RABGAP1L: variants seen among roughly 807,000 people sequenced by gnomAD.
The protein encoded by RABGAP1L is RAB GTPase activating protein 1 like.
In RABGAP1L, 63 loss-of-function variants were observed where a neutral mutation model predicts 137.7. The ratio of observed to expected loss-of-function variants is 0.46; its 90% CI spans 0.37 to 0.56. The LOEUF is 0.56. Ranked by LOEUF, RABGAP1L falls within the 20% of genes least tolerant of loss-of-function variation. RABGAP1L has a pLI of 0.00. For synonymous variants in RABGAP1L, 431 were observed against 433.7 expected, an observed-to-expected ratio of 0.99 and a Z score of 0.08; for missense variants, 1,095 against 1,244.0, an observed-to-expected ratio of 0.88 and a Z score of 1.80.
At chr1:174,222,629 A>G (rs1669844252) in intron 3 of RABGAP1L, among the ~76,000 whole-genome samples, 1 of 152,224 alleles carries the variant, frequency 6.6e-6, no homozygotes, top group African/African-American at 2.4e-5. Context: ...CTTATGTTTT[A>G]TGCTGAAATT....
intron 1 of RABGAP1L, among the ~76,000 whole-genome samples, chr1:174,215,109 C>G (rs1669187912): frequency 6.6e-6 from 1 of 152,076 alleles, no homozygotes; most frequent in African/African-American, 2.4e-5. Flanking sequence ...GATTAATAAC[C>G]AGAATATATA....
In RABGAP1L at chr1:174,213,011, G is replaced by A. The variant is rs114691121; in HGVS notation, c.-33-6114G>A. Among the ~76,000 whole-genome samples, 460 of 152,212 alleles carry A rather than the reference G, an allele frequency of 3.0e-3. 3 individuals are homozygous for A. Among genetic ancestry groups the A allele is most frequent in the African/African-American group, 0.01 (428 of 41,522 alleles). On this transcript the variant is annotated intron_variant, in intron 1 of 25. Coordinates refer to ENST00000681986, the MANE Select transcript of RABGAP1L (RefSeq NM_001366446.1). ...TGTGAAGAAATCCAAAACCTCAACA[G>A]ACCAATAACAAGTAATGAGATTGAA...
At chr1:174,553,103 G>T (rs1276010766) in intron 13 of RABGAP1L, among the ~76,000 whole-genome samples, 1 of 151,992 alleles carries the variant, frequency 6.6e-6, no homozygotes, top group Admixed American at 6.6e-5. Flanking sequence ...ATTTGTTTAA[G>T]TTCTTTATAG....
chr1:174,356,432 C>T (rs990658204), intron 11 of RABGAP1L, among the ~76,000 whole-genome samples: 1 of 151,764 alleles, frequency 6.6e-6, no homozygotes, highest in Non-Finnish European at 1.5e-5. Flanking sequence ...GTTTTCACCC[C>T]AATTTTGTGA....
intron 1 of RABGAP1L, among the ~76,000 whole-genome samples, chr1:174,197,356 C>A (rs535754650): frequency 4.4e-4 from 67 of 152,156 alleles, no homozygotes; most frequent in Admixed American, 7.9e-4. Context: ...AGGGCTTGAA[C>A]TCTTATAAGT....
At chr1:174,775,179 C>G (rs149807455) in intron 18 of RABGAP1L, among the ~76,000 whole-genome samples, 139 of 152,256 alleles carry the variant, frequency 9.1e-4, no homozygotes, top group African/African-American at 3.0e-3. Context: ...GCATACATCA[C>G]TTTTATTCAC....
chr1:174,902,355 G>A (rs569681267), intron 19 of RABGAP1L, among the ~76,000 whole-genome samples: 7 of 152,286 alleles, frequency 4.6e-5, no homozygotes, highest in Admixed American at 2.6e-4. Context: ...TGTCTCTGAT[G>A]GACTCTAATC....
At chr1:174,309,710 A>T (rs1678636899) in intron 11 of RABGAP1L, among the ~76,000 whole-genome samples, 1 of 152,060 alleles carries the variant, frequency 6.6e-6, no homozygotes, top group African/African-American at 2.4e-5. Context: ...ATCCCACTTG[A>T]TCATGATGAA....
At chr1:174,212,890 A>G (rs922780024) in intron 1 of RABGAP1L, among the ~76,000 whole-genome samples, 3 of 152,212 alleles carry the variant, frequency 2.0e-5, no homozygotes, top group African/African-American at 7.2e-5. Context: ...TCAAAGGATC[A>G]TTAGTGGTTA....
intron 3 of RABGAP1L, among the ~76,000 whole-genome samples, chr1:174,230,919 A>G (rs1295540069): frequency 6.6e-6 from 1 of 152,156 alleles, no homozygotes; most frequent in Admixed American, 6.6e-5. Flanking sequence ...GAGAGATTCA[A>G]AAGTATGAAA....
At chr1:174,969,224 G>C in intron 20 of RABGAP1L, 53 bp from the exon 21 acceptor site, 1 of 1,365,392 alleles carries the variant, frequency 7.3e-7, no homozygotes, top group Non-Finnish European at 1.0e-6. Context: ...AGTTCTGTTC[G>C]TTTCTGTATG....
chr1:174,341,211 T>C (rs1681944471), intron 11 of RABGAP1L, among the ~76,000 whole-genome samples: 1 of 152,180 alleles, frequency 6.6e-6, no homozygotes, highest in South Asian at 2.1e-4. Flanking sequence ...TTTCATGTGA[T>C]GATAATGTGT....
intron 13 of RABGAP1L, among the ~76,000 whole-genome samples, chr1:174,445,391 T>G (rs1654628224): frequency 6.6e-6 from 1 of 152,194 alleles, no homozygotes; most frequent in Admixed American, 6.5e-5. Context: ...ATTTGACCTT[T>G]TTTTTCATAT....
intron 1 of RABGAP1L, among the ~76,000 whole-genome samples, chr1:174,202,643 C>T (rs1440167193): frequency 6.6e-6 from 1 of 152,146 alleles, no homozygotes; most frequent in African/African-American, 2.4e-5. Flanking sequence ...TGTGCAGTAG[C>T]TCTTTAGTTT....
At chr1:174,653,317 T>A (rs758295890) in intron 14 of RABGAP1L, among the ~76,000 whole-genome samples, 1 of 152,168 alleles carries the variant, frequency 6.6e-6, no homozygotes, top group Non-Finnish European at 1.5e-5. Context: ...GGTTCTGGCA[T>A]TCCAGGTGCC....
chr1:174,557,698 A>G (rs184039692), intron 13 of RABGAP1L, among the ~76,000 whole-genome samples: 1 of 152,356 alleles, frequency 6.6e-6, no homozygotes, highest in Admixed American at 6.5e-5. Flanking sequence ...ATGTTGCCCA[A>G]GAATTCTAAG....
intron 1 of RABGAP1L, among the ~76,000 whole-genome samples, chr1:174,185,730 C>G (rs1273846325): frequency 1.3e-5 from 2 of 152,196 alleles, no homozygotes; most frequent in Non-Finnish European, 1.5e-5. Context: ...TCCTGCACCC[C>G]CTTTGAAAGC....
At chr1:174,248,276 C>G (rs1051193487) in intron 5 of RABGAP1L, among the ~76,000 whole-genome samples, 1 of 152,186 alleles carries the variant, frequency 6.6e-6, no homozygotes, top group Non-Finnish European at 1.5e-5. Flanking sequence ...TGTATGTTCT[C>G]TCTTGTATTT....
At chr1:174,230,039 A>C (rs1439129562) in intron 3 of RABGAP1L, among the ~76,000 whole-genome samples, 2 of 152,298 alleles carry the variant, frequency 1.3e-5, no homozygotes, top group South Asian at 4.1e-4. Flanking sequence ...AAAATGTGGC[A>C]CATATACACC....
Sources: gnomAD v4.1 joint callset for allele counts (sites outside exome capture counted in the v4.1 genomes callset) on GRCh38, gnomAD v4.1.1 for gene constraint, MANE v1.5 for transcripts, NCBI Gene and HGNC (gene_info 2026-07-23, HGNC 2026-07-21) for gene names.